RBM26: variants seen among roughly 807,000 people sequenced by gnomAD.
RBM26 encodes the protein RNA binding motif protein 26.
RBM26 carries 30 observed loss-of-function variants against 123.6 expected under a neutral mutation model. The ratio of observed to expected loss-of-function variants is 0.24; its 90% CI spans 0.18 to 0.33. The LOEUF (loss-of-function observed/expected upper bound fraction) is 0.33, where lower values mean the gene tolerates loss of function less well. Among genes scored for constraint, RBM26 ranks in the 10% least tolerant of loss-of-function variants. The probability of loss-of-function intolerance (pLI) is 1.00; values close to 1 mark genes in which losing one functional copy is unlikely to be tolerated. For synonymous variants in RBM26, 400 were observed against 404.4 expected (o/e 0.99, Z 0.13); for missense variants, 947 against 1,203.6 (o/e 0.79, Z 3.15).
chr13:79,348,568 C>T (rs748434035), intron 14 of RBM26, among the ~76,000 whole-genome samples: 2 of 152,096 alleles, frequency 1.3e-5, no homozygotes, highest in African/African-American at 4.8e-5. Context: ...AGCAGCCACA[C>T]TCACAATAAA....
In RBM26 at chr13:79,386,467, A is replaced by G. The variant is rs2077493048; in HGVS notation, c.72-7560T>C. On this transcript the variant is annotated intron_variant, in intron 1 of 21. Coordinates refer to ENST00000438737, the MANE Select transcript of RBM26 (RefSeq NM_001366735.2). ...TAAGTGTCAAAGACCCAATAGTCAG[A>G]TAACAAAACCAAAGTAAAAGTTTGT... Among the ~76,000 whole-genome samples, 3 of 151,858 alleles carry G rather than the reference A, an allele frequency of 2.0e-5. No homozygotes were observed. In the South Asian group the frequency reaches 6.2e-4, roughly 32 times the overall value.
Position 79,324,897 on chromosome 13 carries a change from T to C in RBM26, c.2821-2435A>G, listed in dbSNP as rs554425320. On this transcript the variant is annotated intron_variant, in intron 20 of 21. Coordinates refer to ENST00000438737, the MANE Select transcript of RBM26 (RefSeq NM_001366735.2). ...CCAACATCATTTACTGAATAACTTG[T>C]TTTATTCCTTGATTTAAAACAACTC... Among the ~76,000 whole-genome samples, 86 of 152,186 alleles carry C rather than the reference T, an allele frequency of 5.7e-4. 1 individual carries two copies. The highest frequency in any genetic ancestry group is 2.0e-3 in the African/African-American group (82 of 41,542).
chr13:79,354,631 G>A (rs2073745772), intron 12 of RBM26, 61 bp from the exon 13 acceptor site: 6 of 1,429,278 alleles, frequency 4.2e-6, no homozygotes, highest in Non-Finnish European at 5.6e-6. Context: ...AAAGTGACCT[G>A]TGTTATTTTG....
downstream of RBM26, chr13:79,315,043 T>C: frequency 5.4e-6 from 6 of 1,112,092 alleles, no homozygotes; most frequent in Non-Finnish European, 7.3e-6. Context: ...AGCAAATAAA[T>C]CTAAAACTTG....
intron 1 of RBM26, among the ~76,000 whole-genome samples, chr13:79,402,752 C>G (rs1195274099): frequency 1.3e-5 from 2 of 152,152 alleles, no homozygotes; most frequent in South Asian, 2.1e-4. Context: ...TCCTTCCAAG[C>G]TGAGATAAAC....
intron 2 of RBM26, 34 bp from the exon 3 acceptor site, chr13:79,377,549 A>G (rs539018908): frequency 6.6e-7 from 1 of 1,517,866 alleles, no homozygotes; most frequent in East Asian, 2.3e-5. Context: ...AGATTAAAAC[A>G]CATTTGTTAA....
chr13:79,324,103 T>C (rs1483459340), intron 20 of RBM26, among the ~76,000 whole-genome samples: 1 of 151,746 alleles, frequency 6.6e-6, no homozygotes, highest in African/African-American at 2.4e-5. Context: ...TCAGGCCACG[T>C]AATGTAAAAA....
In RBM26 at chr13:79,322,938, TTAA is replaced by T. The variant is rs551322510; in HGVS notation, c.2821-479_2821-477del. On this transcript the variant is annotated intron_variant, in intron 20 of 21. Transcript: ENST00000438737. ...ACAAATGGTATATAATTATTAATCTTTAATAATAATTTTGCATGTGTAAAGTAT... is the reference window on the plus strand; with the variant it reads ...ACAAATGGTATATAATTATTAATCTTTAATAATTTTGCATGTGTAAAGTAT... Among the ~76,000 whole-genome samples, 67 of 151,562 alleles carry T rather than the reference TTAA, an allele frequency of 4.4e-4. 1 individual carries two copies. In the South Asian group the frequency reaches 7.9e-3, roughly 18 times the overall value.
downstream of RBM26, chr13:79,314,340 A>G (rs894500545): frequency 6.6e-6 from 1 of 151,750 alleles, no homozygotes; most frequent in Non-Finnish European, 1.5e-5. Flanking sequence ...ACAGATCATC[A>G]TTTGTCACTT....
intron 9 of RBM26, among the ~76,000 whole-genome samples, chr13:79,363,630 T>G (rs1307026227): frequency 6.6e-6 from 1 of 152,162 alleles, no homozygotes; most frequent in East Asian, 1.9e-4. Context: ...TAAGTAGGTA[T>G]GACAGACATT....
chr13:79,358,094 G>A (rs541844415), intron 11 of RBM26, among the ~76,000 whole-genome samples, 180 bp downstream of exon 11: 5 of 152,132 alleles, frequency 3.3e-5, no homozygotes, highest in Non-Finnish European at 5.9e-5. Context: ...GGTTGGCCAG[G>A]CTAGTCTCGA....
At chr13:79,398,742 C>T (rs1009717287) in intron 1 of RBM26, among the ~76,000 whole-genome samples, 3 of 152,106 alleles carry the variant, frequency 2.0e-5, no homozygotes, top group Non-Finnish European at 2.9e-5. Context: ...TTTACCTAAA[C>T]TGAAGATGCT....
intron 15 of RBM26, 112 bp downstream of exon 15, chr13:79,344,557 A>G: frequency 1.0e-6 from 1 of 1,001,252 alleles, no homozygotes; most frequent in South Asian, 1.6e-5. Flanking sequence ...GTTCAGTGGC[A>G]GCCAACAAAC....
intron 20 of RBM26, among the ~76,000 whole-genome samples, chr13:79,325,955 TTG>T (rs2068341556): frequency 6.6e-6 from 1 of 152,174 alleles, no homozygotes; most frequent in South Asian, 2.1e-4. Context: ...ATACTTACCA[TTG>T]TGTTACAAGT....
chr13:79,390,791 A>C (rs950665743), intron 1 of RBM26, among the ~76,000 whole-genome samples: 1 of 152,194 alleles, frequency 6.6e-6, no homozygotes, highest in African/African-American at 2.4e-5. Context: ...AAAATTTTCA[A>C]AATAAAGTTG....
At chr13:79,361,038 A>G (rs1426110907) in intron 9 of RBM26, among the ~76,000 whole-genome samples, 1 of 152,174 alleles carries the variant, frequency 6.6e-6, no homozygotes, top group Non-Finnish European at 1.5e-5. Context: ...GCAGGAGGAG[A>G]GCATATACTC....
At chr13:79,338,587 T>A (rs958649428) in intron 18 of RBM26, among the ~76,000 whole-genome samples, 4 of 152,210 alleles carry the variant, frequency 2.6e-5, no homozygotes, top group Non-Finnish European at 4.4e-5. Context: ...AGATTACACA[T>A]AACTTTAAGG....
intron 1 of RBM26, among the ~76,000 whole-genome samples, chr13:79,382,633 T>G (rs2077153874): frequency 6.6e-6 from 1 of 152,130 alleles, no homozygotes; most frequent in Non-Finnish European, 1.5e-5. Context: ...ACAATAGCAT[T>G]TGTAGAAGGC....
In RBM26 at chr13:79,332,595, T is replaced by C. The variant is rs1391757957; in HGVS notation, c.2820+1749A>G. Among the ~76,000 whole-genome samples the C allele has an allele frequency of 2.6e-5, 4 of 152,200 alleles. No homozygotes were observed. In the East Asian group the frequency reaches 7.7e-4, roughly 29 times the overall value. ...TATCATAGCAGTGGTCATTACTCTT[T>C]TTAGTCTATTAAGTAAATCCAACTA... On this transcript the variant is annotated intron_variant, in intron 20 of 21. Coordinates refer to ENST00000438737, the MANE Select transcript of RBM26 (RefSeq NM_001366735.2).
Sources: allele counts gnomAD v4.1 joint callset (sites outside exome capture counted in the v4.1 genomes callset), GRCh38; gene constraint gnomAD v4.1.1; transcripts MANE v1.5; gene names NCBI Gene and HGNC (gene_info 2026-07-23, HGNC 2026-07-21).